EPHB1: variants seen among roughly 807,000 people sequenced by gnomAD.
EPHB1 encodes ephrin type-B receptor 1.
EPHB1 carries 30 observed loss-of-function variants against 94.4 expected under a neutral mutation model. That is an observed-to-expected ratio of 0.32 (90% confidence interval 0.24 to 0.43). EPHB1 has a LOEUF of 0.43. Among genes scored for constraint, EPHB1 ranks in the 20% least tolerant of loss-of-function variants. The probability of loss-of-function intolerance (pLI) is 1.00; values close to 1 mark genes in which losing one functional copy is unlikely to be tolerated. For missense variants in EPHB1, 1,055 were observed against 1,308.3 expected, an observed-to-expected ratio of 0.81 and a Z score of 2.99; for synonymous variants, 522 against 489.1, an observed-to-expected ratio of 1.07 and a Z score of -0.89.
intron 13 of EPHB1, among the ~76,000 whole-genome samples, chr3:135,243,431 G>A (rs1021137586): frequency 8.5e-5 from 13 of 152,154 alleles, no homozygotes; most frequent in African/African-American, 2.4e-4. Flanking sequence ...GATATTTGAC[G>A]TTTGAGATGG....
In EPHB1 at chr3:135,085,622, G is replaced by A. The variant is rs369532189; in HGVS notation, c.806-20826G>A. On this transcript the variant is annotated intron_variant, in intron 3 of 15. Coordinates refer to ENST00000398015, the MANE Select transcript of EPHB1 (RefSeq NM_004441.5). ...AGATAGCATCACAAATGTTTGATGC[G>A]GGTGTCTCTTCTTGTCCTGAGGACC... Among the ~76,000 whole-genome samples, 290 of 152,248 alleles carry A rather than the reference G, an allele frequency of 1.9e-3. 4 individuals are homozygous for A. The highest frequency in any genetic ancestry group is 6.8e-3 in the African/African-American group (281 of 41,564).
At chr3:135,056,760 G>C (rs542902928) in intron 3 of EPHB1, among the ~76,000 whole-genome samples, 56 of 152,346 alleles carry the variant, frequency 3.7e-4, no homozygotes, top group Non-Finnish European at 5.9e-4. Context: ...CCTCGCAGAC[G>C]AGACAGGTGG....
At chr3:134,944,165 G>C (rs951683323) in intron 2 of EPHB1, among the ~76,000 whole-genome samples, 2 of 152,184 alleles carry the variant, frequency 1.3e-5, no homozygotes, top group Non-Finnish European at 2.9e-5. Context: ...ATACCTCTCT[G>C]TCTGTAGATT....
intron 3 of EPHB1, among the ~76,000 whole-genome samples, chr3:135,048,005 A>G (rs1216895332): frequency 6.6e-6 from 1 of 152,162 alleles, no homozygotes; most frequent in East Asian, 1.9e-4. Flanking sequence ...GGGATTGAAT[A>G]GGCAATGGAG....
At chr3:134,813,074 T>C (rs2036206793) in intron 1 of EPHB1, among the ~76,000 whole-genome samples, 1 of 152,174 alleles carries the variant, frequency 6.6e-6, no homozygotes. Context: ...TGGGTGGGTC[T>C]CATTCCTGGA....
intron 10 of EPHB1, among the ~76,000 whole-genome samples, chr3:135,183,919 A>G (rs138872359): frequency 6.6e-6 from 1 of 152,352 alleles, no homozygotes; most frequent in Non-Finnish European, 1.5e-5. Flanking sequence ...CCAAGGTTCT[A>G]GCAAGCTGAA....
intron 3 of EPHB1, among the ~76,000 whole-genome samples, chr3:134,963,491 T>G (rs1354762178): frequency 1.3e-5 from 2 of 152,140 alleles, no homozygotes; most frequent in East Asian, 1.9e-4. Context: ...TTCCATCTTG[T>G]GTCGAAATGC....
chr3:135,115,726 C>A (rs573166402), intron 4 of EPHB1, among the ~76,000 whole-genome samples: 2 of 152,244 alleles, frequency 1.3e-5, no homozygotes, highest in East Asian at 3.9e-4. Context: ...GGTCGCCTAA[C>A]TTATCTGAAT....
intron 1 of EPHB1, among the ~76,000 whole-genome samples, chr3:134,873,317 T>A (rs1560276211): frequency 6.6e-6 from 1 of 152,188 alleles, no homozygotes; most frequent in Non-Finnish European, 1.5e-5. Context: ...TAAGGATTTG[T>A]AATTTAGACT....
At chr3:134,856,131 T>C (rs528618682) in intron 1 of EPHB1, among the ~76,000 whole-genome samples, 16 of 152,292 alleles carry the variant, frequency 1.1e-4, no homozygotes, top group Admixed American at 8.5e-4. Flanking sequence ...AGTTTGTAAC[T>C]GAGTGCTAGT....
intron 3 of EPHB1, among the ~76,000 whole-genome samples, chr3:135,023,445 T>A (rs2107755517): frequency 6.6e-6 from 1 of 152,272 alleles, no homozygotes; most frequent in Admixed American, 6.5e-5. Flanking sequence ...CCCCCTCTCC[T>A]CAAGTTGTGA....
rs972259899 is a variant in EPHB1, at chr3:134,899,432, C to T, written c.59-26384C>T. On this transcript the variant is annotated intron_variant, in intron 1 of 15. Transcript: ENST00000398015. ...GATCTTGCATGCTTCAGTGCCTTCG[C>T]CCTGCTGTTTCTTCTGCCTAGAATG... Among the ~76,000 whole-genome samples the T allele has an allele frequency of 2.6e-5, 4 of 152,288 alleles. No individual in the cohort carries two copies. In the East Asian group the frequency reaches 7.7e-4, roughly 29 times the overall value.
chr3:135,093,385 ACTC>A (rs1450484101), intron 3 of EPHB1, among the ~76,000 whole-genome samples: 1 of 151,350 alleles, frequency 6.6e-6, no homozygotes, highest in Non-Finnish European at 1.5e-5. Flanking sequence ...CACTCACACT[ACTC>A]CTACCTACTA....
chr3:135,187,950 G>A (rs1034722838), intron 10 of EPHB1, among the ~76,000 whole-genome samples: 5 of 152,130 alleles, frequency 3.3e-5, no homozygotes, highest in Non-Finnish European at 5.9e-5. Context: ...TGTAATCTCA[G>A]CACTTTGGGA....
intron 3 of EPHB1, among the ~76,000 whole-genome samples, chr3:135,086,132 G>A (rs1188682479): frequency 6.6e-6 from 1 of 152,120 alleles, no homozygotes; most frequent in Non-Finnish European, 1.5e-5. Flanking sequence ...ATGAGAGGAT[G>A]CAGACAGATA....
chr3:134,798,538 A>G (rs1375643283), intron 1 of EPHB1, among the ~76,000 whole-genome samples: 1 of 152,154 alleles, frequency 6.6e-6, no homozygotes, highest in Non-Finnish European at 1.5e-5. Context: ...AGATGCCACT[A>G]CAAGGAAAAG....
chr3:135,143,856 C>G (rs1940914913), intron 5 of EPHB1, among the ~76,000 whole-genome samples: 1 of 152,204 alleles, frequency 6.6e-6, no homozygotes, highest in African/African-American at 2.4e-5. Context: ...TCTAAGACAT[C>G]TTTTGATTCC....
chr3:135,221,356 G>A (rs1943276478), intron 12 of EPHB1, among the ~76,000 whole-genome samples: 1 of 151,920 alleles, frequency 6.6e-6, no homozygotes. Context: ...AGCAAATTAG[G>A]CACCATCACT....
intron 3 of EPHB1, among the ~76,000 whole-genome samples, chr3:135,057,352 A>G (rs932717525): frequency 1.3e-5 from 2 of 152,174 alleles, no homozygotes; most frequent in East Asian, 3.9e-4. Flanking sequence ...CACTGAGGCC[A>G]GCTGGCTCAT....
Sources: allele counts gnomAD v4.1 joint callset (sites outside exome capture counted in the v4.1 genomes callset), GRCh38; gene constraint gnomAD v4.1.1; transcripts MANE v1.5; gene names NCBI Gene and HGNC (gene_info 2026-07-23, HGNC 2026-07-21).